Variants in EPHA6 observed in about 807,000 individuals in gnomAD.
EPHA6 encodes ephrin type-A receptor 6.
In EPHA6, 50 loss-of-function variants were observed where a neutral mutation model predicts 112.0. The observed-to-expected ratio is 0.45, with a 90% CI of 0.36 to 0.56. EPHA6 has a LOEUF of 0.56. Ranked by LOEUF, EPHA6 falls within the 20% of genes least tolerant of loss-of-function variation. The probability of loss-of-function intolerance (pLI) is 0.00; values close to 1 mark genes in which losing one functional copy is unlikely to be tolerated. For missense variants in EPHA6, 1,280 were observed against 1,417.4 expected (o/e 0.90, Z 1.56); for synonymous variants, 529 against 490.7 (o/e 1.08, Z -1.03).
At chr3:96,999,983 C>A (rs1170611012) in intron 3 of EPHA6, among the ~76,000 whole-genome samples, 1 of 151,800 alleles carries the variant, frequency 6.6e-6, no homozygotes, top group East Asian at 1.9e-4. Context: ...GCTCTCAACC[C>A]AGCTAATTAT....
At chr3:97,045,240 G>A (rs1426552011) in intron 3 of EPHA6, among the ~76,000 whole-genome samples, 2 of 151,796 alleles carry the variant, frequency 1.3e-5, no homozygotes, top group Non-Finnish European at 2.9e-5. Flanking sequence ...CTCAAATCTA[G>A]CATGTTAAAG....
intron 5 of EPHA6, among the ~76,000 whole-genome samples, chr3:97,352,741 A>G (rs773820090): frequency 2.4e-4 from 36 of 152,148 alleles, no homozygotes; most frequent in Non-Finnish European, 4.6e-4. Flanking sequence ...ATTCCTAGGG[A>G]GGTCTTGGCA....
At chr3:97,134,397 G>A (rs995940751) in intron 3 of EPHA6, among the ~76,000 whole-genome samples, 1 of 152,042 alleles carries the variant, frequency 6.6e-6, no homozygotes, top group Non-Finnish European at 1.5e-5. Context: ...AAGAGATTTG[G>A]AAGTAATTGA....
chr3:96,967,624 G>A (rs555426317), intron 2 of EPHA6, among the ~76,000 whole-genome samples: 1 of 151,742 alleles, frequency 6.6e-6, no homozygotes, highest in South Asian at 2.1e-4. Context: ...CATTTTAACT[G>A]TTTTGGATTA....
intron 14 of EPHA6, among the ~76,000 whole-genome samples, chr3:97,659,776 G>C (rs1422528548): frequency 6.6e-6 from 1 of 151,920 alleles, no homozygotes; most frequent in Non-Finnish European, 1.5e-5. Flanking sequence ...ATATATTAAT[G>C]AATTTTGAAT....
chr3:97,583,042 A>T (rs1039842105), intron 11 of EPHA6, among the ~76,000 whole-genome samples: 1 of 149,564 alleles, frequency 6.7e-6, no homozygotes. Context: ...AGCCTGCCTC[A>T]TGACCTCTTT....
intron 1 of EPHA6, among the ~76,000 whole-genome samples, chr3:96,852,616 A>C (rs2035461776): frequency 6.6e-6 from 1 of 151,878 alleles, no homozygotes; most frequent in Admixed American, 6.6e-5. Context: ...AAAAAAAAAA[A>C]AAAAACTTCC....
chr3:97,083,614 C>T (rs530967247), intron 3 of EPHA6, among the ~76,000 whole-genome samples: 13 of 151,824 alleles, frequency 8.6e-5, no homozygotes, highest in South Asian at 2.1e-4. Context: ...TTTTCTACTC[C>T]GAATCTTGTT....
At chr3:96,994,314 A>T in intron 3 of EPHA6, 1 of 270,902 alleles carries the variant, frequency 3.7e-6, no homozygotes, top group South Asian at 6.0e-5. Flanking sequence ...ATAGATTCAT[A>T]ATTAAGACTG....
chr3:97,379,347 G>A (rs940791187), intron 5 of EPHA6, among the ~76,000 whole-genome samples: 1 of 152,044 alleles, frequency 6.6e-6, no homozygotes, highest in African/African-American at 2.4e-5. Flanking sequence ...AATCAGAAAT[G>A]CTTCAGAACT....
In EPHA6 at chr3:97,592,555, A is replaced by T; in HGVS notation, c.2387-57A>T. On this transcript the variant is annotated intron_variant, in intron 11 of 17. Coordinates refer to ENST00000389672, the MANE Select transcript of EPHA6 (RefSeq NM_001080448.3). Reference sequence around the variant, plus strand: ...TTTTAGGTTTTATTCCATGTAAATGATCAATGCTTTTCCATAAAGAAGACT... The same window carrying T: ...TTTTAGGTTTTATTCCATGTAAATGTTCAATGCTTTTCCATAAAGAAGACT... The T allele has an allele frequency of 6.3e-6, 10 of 1,595,152 alleles. No homozygotes were observed. The South Asian group carries it at 1.1e-4, about 18-fold the overall frequency.
intron 3 of EPHA6, among the ~76,000 whole-genome samples, chr3:97,004,929 G>A (rs1262506161): frequency 6.6e-6 from 1 of 152,112 alleles, no homozygotes; most frequent in East Asian, 1.9e-4. Flanking sequence ...TTGTAGATGT[G>A]TGGTGTTATT....
At chr3:97,283,563 A>G (rs1456265907) in intron 5 of EPHA6, among the ~76,000 whole-genome samples, 1 of 152,090 alleles carries the variant, frequency 6.6e-6, no homozygotes, top group Admixed American at 6.6e-5. Flanking sequence ...ATAATATTAA[A>G]TGTTGCTAAA....
In EPHA6 at chr3:97,303,391, T is replaced by C. The variant is rs75059142; in HGVS notation, c.1606+59104T>C. Among the ~76,000 whole-genome samples, 628 of 152,052 alleles carry C rather than the reference T, an allele frequency of 4.1e-3. 6 individuals are homozygous for C. The highest frequency in any genetic ancestry group is 7.1e-3 in the Non-Finnish European group (482 of 67,930). ...TGAGAAATTCAAACAAGGTGTTAAATAGTGTATTAGTCCGAGTTTTCCAGA... is the reference window on the plus strand; with the variant it reads ...TGAGAAATTCAAACAAGGTGTTAAACAGTGTATTAGTCCGAGTTTTCCAGA... On this transcript the variant is annotated intron_variant, in intron 5 of 17. Coordinates refer to ENST00000389672, the MANE Select transcript of EPHA6 (RefSeq NM_001080448.3).
intron 1 of EPHA6, among the ~76,000 whole-genome samples, chr3:96,836,592 C>T (rs188683775): frequency 5.9e-5 from 9 of 152,264 alleles, no homozygotes; most frequent in Admixed American, 5.2e-4. Flanking sequence ...ATTCATTCCA[C>T]ATTTACTGAA....
In EPHA6 at chr3:97,704,344, T is replaced by C. The variant is rs371739611; in HGVS notation, c.2785-15917T>C. On this transcript the variant is annotated intron_variant, in intron 14 of 17. Transcript: ENST00000389672. ...GGGTATCACCCAATCCATTGAGACC[T>C]TGGATAGAACAAAAAGGCAGAGGAA... 1.9e-3 allele frequency among the ~76,000 whole-genome samples: 291 copies of C among 152,308 alleles called. 2 individuals carry two copies. Among genetic ancestry groups the C allele is most frequent in the African/African-American group, 6.8e-3 (284 of 41,572 alleles).
chr3:97,297,672 A>G lies in EPHA6; in HGVS notation c.1606+53385A>G, dbSNP rs542190207. On this transcript the variant is annotated intron_variant, in intron 5 of 17. Transcript: ENST00000389672. ...AACTATAAAGCATTATATATGGCAT[A>G]CTATATCTTGACATGGGAATGATAT... Among the ~76,000 whole-genome samples the G allele has an allele frequency of 6.7e-4, 102 of 152,358 alleles. 1 individual carries two copies. Among genetic ancestry groups the G allele is most frequent in the African/African-American group, 2.2e-3 (93 of 41,578 alleles).
intron 6 of EPHA6, among the ~76,000 whole-genome samples, chr3:97,431,281 T>C (rs539459367): frequency 6.6e-6 from 1 of 152,224 alleles, no homozygotes; most frequent in East Asian, 1.9e-4. Flanking sequence ...CATAGATTAA[T>C]TGAAAAAAGT....
chr3:97,759,539 G>T lies in EPHA6; in HGVS notation c.*10838G>T, dbSNP rs1420050776. 1 of 230,904 alleles carries T rather than the reference G, an allele frequency of 4.3e-6. No homozygotes were observed. The highest frequency in any genetic ancestry group is 8.6e-6 in the Non-Finnish European group (1 of 116,494). The allele number at this position is 230,904 out of a possible 1,614,324, so 14.3% of individuals were successfully genotyped here. ...TGATTATGCAAGAGAGATGATAATTGTAACAAAGGCCTTGAGAGATAGAGG... is the reference window on the plus strand; with the variant it reads ...TGATTATGCAAGAGAGATGATAATTTTAACAAAGGCCTTGAGAGATAGAGG... On this transcript the variant is annotated 3_prime_UTR_variant, in exon 18 of 18. Coordinates refer to ENST00000389672, the MANE Select transcript of EPHA6 (RefSeq NM_001080448.3).
Sources: gnomAD v4.1 joint callset for allele counts (sites outside exome capture counted in the v4.1 genomes callset) on GRCh38, gnomAD v4.1.1 for gene constraint, MANE v1.5 for transcripts, NCBI Gene and HGNC (gene_info 2026-07-23, HGNC 2026-07-21) for gene names.